The following SAMMSON variants were observed in gnomAD, a reference collection of about 807,000 sequenced individuals.
The protein encoded by SAMMSON is survival associated mitochondrial melanoma specific oncogenic non-coding RNA.
rs1576139626 is a variant in SAMMSON, at chr3:70,161,881, C to CT, written n.508-87226_508-87225insT. ...TTTTCTTGAGTCAGTTTGAGTAATT[C>CT]ATTTTTTTAAGAATTTATGTCATCT... is the stretch of plus-strand genomic sequence containing the variant. On this transcript the variant is annotated intron_variant and non_coding_transcript_variant, in intron 4 of 9. Transcript: ENST00000642114. Among the ~76,000 whole-genome samples the CT allele has an allele frequency of 3.2e-5, 4 of 125,686 alleles. No individual in the cohort carries two copies. The East Asian group carries it at 1.2e-3, about 39-fold the overall frequency. 82.5% of individuals were successfully genotyped at this position (125,686 alleles called of 152,430 possible).
chr3:70,004,856 G>T (rs1408878877), intron 1 of SAMMSON, among the ~76,000 whole-genome samples: 1 of 151,886 alleles, frequency 6.6e-6, no homozygotes, highest in Non-Finnish European at 1.5e-5. Flanking sequence ...ACAATACATA[G>T]AGTTCATGTT....
intron 2 of SAMMSON, among the ~76,000 whole-genome samples, chr3:70,408,024 T>C (rs1701189839): frequency 6.6e-6 from 1 of 152,244 alleles, no homozygotes; most frequent in Non-Finnish European, 1.5e-5. Context: ...ACATGGAAGC[T>C]GCCAACGCTT....
At chr3:70,276,090 A>G (rs1702023049) in intron 6 of SAMMSON, among the ~76,000 whole-genome samples, 1 of 152,176 alleles carries the variant, frequency 6.6e-6, no homozygotes, top group Admixed American at 6.5e-5. Flanking sequence ...TATAATTAAG[A>G]TAATATGATA....
intron 4 of SAMMSON, among the ~76,000 whole-genome samples, chr3:70,134,365 T>A (rs967749712): frequency 6.6e-6 from 1 of 151,926 alleles, no homozygotes; most frequent in Non-Finnish European, 1.5e-5. Flanking sequence ...TTAACTTTTT[T>A]TTTTTTTTAA....
At chr3:70,123,357 C>G (rs926975834) in intron 4 of SAMMSON, among the ~76,000 whole-genome samples, 1 of 152,218 alleles carries the variant, frequency 6.6e-6, no homozygotes, top group Non-Finnish European at 1.5e-5. Flanking sequence ...ACCTCTGCCT[C>G]CCGAGCTCAG....
intron 4 of SAMMSON, among the ~76,000 whole-genome samples, chr3:70,235,617 T>C (rs1228839007): frequency 2.0e-5 from 3 of 152,188 alleles, no homozygotes; most frequent in African/African-American, 7.2e-5. Flanking sequence ...AATCCTGGTT[T>C]TTCTCCTCTT....
At chr3:70,309,444 A>T (rs1027452385) in intron 7 of SAMMSON, among the ~76,000 whole-genome samples, 2 of 152,346 alleles carry the variant, frequency 1.3e-5, no homozygotes, top group South Asian at 4.1e-4. Context: ...AAAGAGGGAA[A>T]AAAACAGAGA....
intron 6 of SAMMSON, among the ~76,000 whole-genome samples, chr3:70,272,666 TA>T (rs1188352317): frequency 6.6e-6 from 1 of 152,202 alleles, no homozygotes; most frequent in Non-Finnish European, 1.5e-5. Context: ...TTTAACTTTA[TA>T]AAAAACTGCT....
rs1576098067 is a variant in SAMMSON, at chr3:70,018,936, G to T, written n.417+5264G>T. 3.3e-5 allele frequency among the ~76,000 whole-genome samples: 5 copies of T among 152,330 alleles called. No individual in the cohort carries two copies. In the South Asian group the frequency reaches 6.2e-4, roughly 19 times the overall value. On this transcript the variant is annotated intron_variant and non_coding_transcript_variant, in intron 3 of 9. Transcript: ENST00000642114. ...CTGAGTTCTAGTTTGATTGCACTGT[G>T]GTCTGAGAGACAGTTTGTTATAACT...
intron 6 of SAMMSON, among the ~76,000 whole-genome samples, chr3:70,258,764 A>T (rs1188971014): frequency 2.6e-5 from 4 of 152,198 alleles, no homozygotes; most frequent in Non-Finnish European, 4.4e-5. Context: ...AACAATAGGG[A>T]AATGGAACCT....
At chr3:70,373,983 C>T (rs1275670770) in intron 9 of SAMMSON, among the ~76,000 whole-genome samples, 11 of 152,186 alleles carry the variant, frequency 7.2e-5, no homozygotes, top group Admixed American at 6.6e-5. Flanking sequence ...GGCGCCATCT[C>T]GGCTCACTGC....
At chr3:70,390,818 A>G (rs1317048777), downstream of SAMMSON, among the ~76,000 whole-genome samples, 1 of 152,152 alleles carries the variant, frequency 6.6e-6, no homozygotes, top group African/African-American at 2.4e-5. Flanking sequence ...TTTAAAAATA[A>G]ATCTTTAGTC....
chr3:70,403,455 C>G (rs1394781299), intron 2 of SAMMSON, among the ~76,000 whole-genome samples: 1 of 152,212 alleles, frequency 6.6e-6, no homozygotes, highest in African/African-American at 2.4e-5. Flanking sequence ...AGATAATGCA[C>G]CTATCTTCAG....
At chr3:70,053,796 G>A (rs2107589995) in intron 3 of SAMMSON, among the ~76,000 whole-genome samples, 1 of 152,158 alleles carries the variant, frequency 6.6e-6, no homozygotes, top group East Asian at 1.9e-4. Flanking sequence ...AATTATGCAT[G>A]TGCATTGACA....
intron 3 of SAMMSON, among the ~76,000 whole-genome samples, chr3:70,045,103 AT>A (rs1199078050): frequency 2.3e-5 from 2 of 86,470 alleles, no homozygotes; most frequent in African/African-American, 3.3e-5. Context: ...TATAATATAT[AT>A]TATAATTTAT....
At chr3:70,114,373 G>A (rs2067401706) in intron 4 of SAMMSON, among the ~76,000 whole-genome samples, 1 of 152,190 alleles carries the variant, frequency 6.6e-6, no homozygotes, top group Non-Finnish European at 1.5e-5. Context: ...TATTTGATAA[G>A]TTTCTTCCTC....
At chr3:70,133,042 A>G (rs1394108783) in intron 4 of SAMMSON, among the ~76,000 whole-genome samples, 1 of 152,160 alleles carries the variant, frequency 6.6e-6, no homozygotes, top group Non-Finnish European at 1.5e-5. Context: ...ATTATAAGAA[A>G]TATATCCTTC....
chr3:70,421,093 C>A lies in SAMMSON; in HGVS notation n.234-41467C>A, dbSNP rs116532170. The stretch of plus-strand genomic sequence containing the variant: ...TTCCATCTCATTTAATTTTTTCAGT[C>A]TTTCCTCCCCTAAACAAGAAAAGAT... On this transcript the variant is annotated intron_variant and non_coding_transcript_variant, in intron 2 of 3. Transcript: ENST00000641053. Among the ~76,000 whole-genome samples the A allele has an allele frequency of 6.8e-3, 1,028 of 152,168 alleles. 5 individuals are homozygous for A. Among genetic ancestry groups the A allele is most frequent in the African/African-American group, 0.023 (972 of 41,550 alleles).
Position 70,250,355 on chromosome 3 carries a change from A to C in SAMMSON, n.674+685A>C, listed in dbSNP as rs966016865. ...ACATTTTTTAGGTAATTGAGAAGTC[A>C]TGCCCTGTGTTTTTATTGTTATTGA... is the stretch of plus-strand genomic sequence containing the variant. On this transcript the variant is annotated intron_variant and non_coding_transcript_variant, in intron 6 of 9. Coordinates refer to ENST00000642114, the Ensembl canonical transcript of SAMMSON. 2.6e-5 allele frequency among the ~76,000 whole-genome samples: 4 copies of C among 151,660 alleles called. No individual in the cohort carries two copies. The South Asian group carries it at 8.3e-4, about 32-fold the overall frequency.
Sources: allele counts gnomAD v4.1 joint callset (sites outside exome capture counted in the v4.1 genomes callset), GRCh38; gene constraint gnomAD v4.1.1; transcripts MANE v1.5; gene names NCBI Gene and HGNC (gene_info 2026-07-23, HGNC 2026-07-21).